The following MAML2 variants were observed in gnomAD, a reference collection of about 807,000 sequenced individuals.
MAML2 encodes mastermind like transcriptional coactivator 2, also known as mastermind-like protein 2.
MAML2 carries 22 observed loss-of-function variants against 96.1 expected under a neutral mutation model. The observed-to-expected ratio is 0.23, with a 90% confidence interval of 0.16 to 0.33. The LOEUF (loss-of-function observed/expected upper bound fraction) is 0.33, where lower values mean the gene tolerates loss of function less well. Among genes scored for constraint, MAML2 ranks in the 10% least tolerant of loss-of-function variants. The pLI is 1.00. For missense variants in MAML2, 1,367 were observed against 1,392.4 expected, an observed-to-expected ratio of 0.98 and a Z score of 0.29; for synonymous variants, 561 against 521.3, an observed-to-expected ratio of 1.08 and a Z score of -1.04.
intron 2 of MAML2, among the ~76,000 whole-genome samples, chr11:96,002,309 G>A (rs1858090704): frequency 1.3e-5 from 2 of 152,218 alleles, no homozygotes; most frequent in Non-Finnish European, 1.5e-5. Context: ...AGAACTTCCT[G>A]CTGTGAGGCA....
chr11:96,256,364 A>C (rs1591099521), intron 1 of MAML2, among the ~76,000 whole-genome samples: 1 of 152,226 alleles, frequency 6.6e-6, no homozygotes, highest in Middle Eastern at 3.4e-3. Context: ...ACACTGCAGC[A>C]CATCAGTGGC....
chr11:96,091,295 T>C (rs1020409953), intron 2 of MAML2, among the ~76,000 whole-genome samples: 2 of 152,168 alleles, frequency 1.3e-5, no homozygotes, highest in African/African-American at 4.8e-5. Context: ...AGCATTGAAA[T>C]GGTAGTTTAA....
chr11:96,334,307 C>A (rs748110821), intron 1 of MAML2, among the ~76,000 whole-genome samples: 23 of 152,166 alleles, frequency 1.5e-4, no homozygotes, highest in Non-Finnish European at 2.2e-4. Flanking sequence ...CTAATAATAA[C>A]AGCTAAAATT....
chr11:96,051,849 G>T (rs1773254488), intron 2 of MAML2, among the ~76,000 whole-genome samples: 1 of 152,192 alleles, frequency 6.6e-6, no homozygotes, highest in African/African-American at 2.4e-5. Context: ...CTCCAGAGAT[G>T]GCTTAAACTA....
chr11:95,990,927 T>C (rs923204881), intron 3 of MAML2, among the ~76,000 whole-genome samples: 2 of 152,042 alleles, frequency 1.3e-5, no homozygotes, highest in East Asian at 3.9e-4. Flanking sequence ...TCTTAAACAG[T>C]CAAATATTAG....
intron 1 of MAML2, among the ~76,000 whole-genome samples, chr11:96,282,262 T>A (rs144638525): frequency 0.4 from 57,452 of 142,094 alleles, 11,701 homozygotes; most frequent in East Asian, 0.54. Flanking sequence ...AAAAAAATAA[T>A]AATAATAATA....
intron 1 of MAML2, among the ~76,000 whole-genome samples, chr11:96,258,281 G>GTACT (rs752047588): frequency 8.6e-4 from 131 of 152,126 alleles, no homozygotes; most frequent in Middle Eastern, 3.4e-3. Context: ...ATATATCTTG[G>GTACT]TACTAATCAG....
At chr11:96,128,165 G>C (rs1329740687) in intron 1 of MAML2, among the ~76,000 whole-genome samples, 1 of 152,048 alleles carries the variant, frequency 6.6e-6, no homozygotes, top group Non-Finnish European at 1.5e-5. Context: ...AGGCCGAGGC[G>C]GGTGGATCAC....
intron 1 of MAML2, among the ~76,000 whole-genome samples, chr11:96,274,077 C>CT (rs992096555): frequency 0.045 from 4,140 of 91,832 alleles, 173 homozygotes; most frequent in East Asian, 0.091. Flanking sequence ...TTTCCTTTTC[C>CT]TTTTTTTTTT....
intron 1 of MAML2, among the ~76,000 whole-genome samples, chr11:96,168,399 T>C (rs1255359232): frequency 6.6e-6 from 1 of 152,154 alleles, no homozygotes; most frequent in Non-Finnish European, 1.5e-5. Context: ...TCAAAGACCA[T>C]ATCATCTCAT....
intron 2 of MAML2, among the ~76,000 whole-genome samples, chr11:96,041,817 CT>C (rs947379301): frequency 6.2e-5 from 9 of 145,934 alleles, no homozygotes; most frequent in Middle Eastern, 3.4e-3. Flanking sequence ...TTTTTTCTTT[CT>C]TTTTTTTGGG....
intron 1 of MAML2, among the ~76,000 whole-genome samples, chr11:96,167,862 A>C (rs1469273166): frequency 1.3e-5 from 2 of 152,224 alleles, no homozygotes; most frequent in Non-Finnish European, 2.9e-5. Flanking sequence ...CACCGTTGGC[A>C]GTTAATAATT....
chr11:96,220,897 A>T (rs1862126759), intron 1 of MAML2, among the ~76,000 whole-genome samples: 2 of 152,166 alleles, frequency 1.3e-5, no homozygotes, highest in Non-Finnish European at 2.9e-5. Context: ...ATTCATCAGG[A>T]TAATATCTGT....
chr11:96,284,740 A>T (rs1247788561), intron 1 of MAML2, among the ~76,000 whole-genome samples: 1 of 152,222 alleles, frequency 6.6e-6, no homozygotes, highest in East Asian at 1.9e-4. Flanking sequence ...TGAAAGAAAA[A>T]TATGAATTTG....
At chr11:96,264,594 T>A (rs146842026) in intron 1 of MAML2, among the ~76,000 whole-genome samples, 80 of 152,326 alleles carry the variant, frequency 5.3e-4, no homozygotes, top group African/African-American at 1.9e-3. Flanking sequence ...TCCATTTTCC[T>A]TAGCTTTATC....
intron 1 of MAML2, among the ~76,000 whole-genome samples, chr11:96,246,511 C>A (rs1178399925): frequency 6.6e-6 from 1 of 152,048 alleles, no homozygotes; most frequent in East Asian, 1.9e-4. Flanking sequence ...ATGCGATCTA[C>A]CTCCTCAACA....
chr11:96,178,197 G>C (rs1231885007), intron 1 of MAML2, among the ~76,000 whole-genome samples: 2 of 151,816 alleles, frequency 1.3e-5, no homozygotes, highest in African/African-American at 4.8e-5. Flanking sequence ...GACATCCGTG[G>C]GTTTGTGCAA....
At chr11:96,165,036 G>T (rs1042349412) in intron 1 of MAML2, among the ~76,000 whole-genome samples, 1 of 152,110 alleles carries the variant, frequency 6.6e-6, no homozygotes, top group African/African-American at 2.4e-5. Flanking sequence ...GAAAACGAAA[G>T]AGATCTATCT....
At chr11:96,216,543 G>C (rs1180202977) in intron 1 of MAML2, among the ~76,000 whole-genome samples, 1 of 152,116 alleles carries the variant, frequency 6.6e-6, no homozygotes, top group African/African-American at 2.4e-5. Context: ...GGTATGTCTG[G>C]TCCTGGTATT....
Sources: gnomAD v4.1 joint callset for allele counts (sites outside exome capture counted in the v4.1 genomes callset) on GRCh38, gnomAD v4.1.1 for gene constraint, MANE v1.5 for transcripts, NCBI Gene and HGNC (gene_info 2026-07-23, HGNC 2026-07-21) for gene names.